Variants in GPC5 observed in about 807,000 individuals in gnomAD.
The protein encoded by GPC5 is glypican 5.
Under a neutral mutation model 53.9 loss-of-function variants are expected in GPC5, and 47 were observed. That is an observed-to-expected ratio of 0.87 (90% CI 0.69 to 1.11). The LOEUF is 1.11. Ranked by LOEUF, GPC5 falls within the 50% of genes most tolerant of loss-of-function variation. The probability of loss-of-function intolerance (pLI) is 0.00; values close to 1 mark genes in which losing one functional copy is unlikely to be tolerated. For synonymous variants in GPC5, 286 were observed against 263.3 expected (o/e 1.09, Z -0.84); for missense variants, 748 against 713.1 (o/e 1.05, Z -0.56).
chr13:92,310,717 A>G (rs1032307974), intron 7 of GPC5, among the ~76,000 whole-genome samples: 4 of 152,302 alleles, frequency 2.6e-5, no homozygotes, highest in Non-Finnish European at 5.9e-5. Flanking sequence ...AACTTTTAAG[A>G]TCCTATTTTC....
chr13:92,149,110 C>A (rs1037429024), intron 7 of GPC5, among the ~76,000 whole-genome samples: 4 of 152,020 alleles, frequency 2.6e-5, no homozygotes, highest in African/African-American at 9.7e-5. Flanking sequence ...AGATACCAGA[C>A]ACTTTTAAAA....
intron 6 of GPC5, among the ~76,000 whole-genome samples, chr13:91,999,207 C>CT (rs60161065): frequency 2.4e-4 from 36 of 150,786 alleles, no homozygotes; most frequent in South Asian, 2.1e-3. Context: ...TCAAAATAAC[C>CT]TTTTTTTTTT....
chr13:91,602,295 C>T (rs2033206250), intron 2 of GPC5, among the ~76,000 whole-genome samples: 1 of 152,206 alleles, frequency 6.6e-6, no homozygotes, highest in Non-Finnish European at 1.5e-5. Flanking sequence ...ATTACTTATG[C>T]TGAAACCAAA....
intron 7 of GPC5, among the ~76,000 whole-genome samples, chr13:92,284,115 A>T (rs888347400): frequency 1.3e-5 from 2 of 152,236 alleles, no homozygotes; most frequent in South Asian, 4.1e-4. Context: ...AAACACCTCT[A>T]TGCAAATAAA....
intron 7 of GPC5, among the ~76,000 whole-genome samples, chr13:92,704,008 G>A (rs7319112): frequency 0.24 from 36,176 of 151,792 alleles, 4,704 homozygotes; most frequent in Admixed American, 0.35. Flanking sequence ...GGATAAAATT[G>A]TATTCTAATA....
At chr13:91,600,984 C>T (rs1017184665) in intron 2 of GPC5, among the ~76,000 whole-genome samples, 3 of 152,204 alleles carry the variant, frequency 2.0e-5, no homozygotes. Context: ...ATAATAATTA[C>T]AGCATTTTGT....
intron 7 of GPC5, among the ~76,000 whole-genome samples, chr13:92,671,571 A>G (rs1472594072): frequency 6.6e-6 from 1 of 152,202 alleles, no homozygotes; most frequent in East Asian, 1.9e-4. Context: ...ACCACATGTT[A>G]GAAGGCTCTA....
intron 6 of GPC5, among the ~76,000 whole-genome samples, chr13:91,945,766 G>T (rs1289255155): frequency 6.6e-6 from 1 of 152,064 alleles, no homozygotes; most frequent in African/African-American, 2.4e-5. Flanking sequence ...TGCCCAAAAT[G>T]GTTTGGGACA....
intron 4 of GPC5, among the ~76,000 whole-genome samples, chr13:91,738,400 T>C (rs2036859081): frequency 6.6e-6 from 1 of 151,318 alleles, no homozygotes; most frequent in African/African-American, 2.5e-5. Flanking sequence ...GTGGTTGACT[T>C]ATAACTAATT....
chr13:92,820,731 A>G (rs1356657978), intron 7 of GPC5, among the ~76,000 whole-genome samples: 1 of 152,144 alleles, frequency 6.6e-6, no homozygotes, highest in Non-Finnish European at 1.5e-5. Flanking sequence ...TTCTACCTAG[A>G]ACATGTATTT....
At chr13:92,784,562 T>C (rs929619943) in intron 7 of GPC5, among the ~76,000 whole-genome samples, 5 of 152,160 alleles carry the variant, frequency 3.3e-5, no homozygotes, top group East Asian at 1.9e-4. Flanking sequence ...CCATTGGTAA[T>C]CTTTCCATCA....
chr13:92,791,013 A>G (rs1876441906), intron 7 of GPC5, among the ~76,000 whole-genome samples: 1 of 152,150 alleles, frequency 6.6e-6, no homozygotes, highest in African/African-American at 2.4e-5. Context: ...ATAATTTAAG[A>G]TACAAGAGTG....
intron 7 of GPC5, among the ~76,000 whole-genome samples, chr13:92,213,651 C>T (rs932910218): frequency 6.6e-6 from 1 of 152,082 alleles, no homozygotes; most frequent in South Asian, 2.1e-4. Context: ...CTGTGACATT[C>T]CAAAATCACA....
chr13:91,505,239 C>T (rs1053155197), intron 2 of GPC5, among the ~76,000 whole-genome samples: 1 of 152,034 alleles, frequency 6.6e-6, no homozygotes, highest in Non-Finnish European at 1.5e-5. Flanking sequence ...ACTGAACATT[C>T]TTACACATAG....
intron 2 of GPC5, among the ~76,000 whole-genome samples, chr13:91,529,943 C>G (rs1408570517): frequency 1.3e-5 from 2 of 152,072 alleles, no homozygotes; most frequent in African/African-American, 2.4e-5. Flanking sequence ...AAAGTTGTCT[C>G]TCTTTTTTTT....
intron 2 of GPC5, among the ~76,000 whole-genome samples, chr13:91,597,609 G>A (rs2033040660): frequency 6.6e-6 from 1 of 152,110 alleles, no homozygotes; most frequent in African/African-American, 2.4e-5. Flanking sequence ...TACTCACTAA[G>A]TTTGAACCCA....
intron 7 of GPC5, among the ~76,000 whole-genome samples, chr13:92,180,380 C>T (rs978712301): frequency 1.3e-5 from 2 of 152,036 alleles, no homozygotes; most frequent in East Asian, 3.9e-4. Flanking sequence ...TAAGATATCA[C>T]AACAACAATT....
chr13:91,587,814 T>G (rs2032655028), intron 2 of GPC5, among the ~76,000 whole-genome samples: 1 of 152,178 alleles, frequency 6.6e-6, no homozygotes, highest in African/African-American at 2.4e-5. Context: ...GACACCCTCA[T>G]GAAAGAGAGT....
chr13:92,031,776 T>TGTA (rs1594734396), intron 6 of GPC5, among the ~76,000 whole-genome samples: 1 of 106,464 alleles, frequency 9.4e-6, no homozygotes, highest in East Asian at 2.2e-4. Flanking sequence ...ATATATAATA[T>TGTA]ATAATATATT....
Sources: gnomAD v4.1 joint callset for allele counts (sites outside exome capture counted in the v4.1 genomes callset) on GRCh38, gnomAD v4.1.1 for gene constraint, MANE v1.5 for transcripts, NCBI Gene and HGNC (gene_info 2026-07-23, HGNC 2026-07-21) for gene names.